TMEFF2: variants seen among roughly 807,000 people sequenced by gnomAD.
TMEFF2 encodes the protein tomoregulin-2.
In TMEFF2, 28 loss-of-function variants were observed where a neutral mutation model predicts 53.8. The ratio of observed to expected loss-of-function variants is 0.52; its 90% CI spans 0.39 to 0.71. TMEFF2 has a LOEUF of 0.71. Ranked by LOEUF, TMEFF2 falls within the 30% of genes least tolerant of loss-of-function variation. The pLI, the probability that TMEFF2 is intolerant of heterozygous loss-of-function variation, is 0.00. For synonymous variants in TMEFF2, 162 were observed against 166.3 expected (o/e 0.97, Z 0.20); for missense variants, 353 against 455.2 (o/e 0.78, Z 2.04).
chr2:192,144,072 T>C (rs1036771317), intron 4 of TMEFF2, among the ~76,000 whole-genome samples: 6 of 152,094 alleles, frequency 3.9e-5, no homozygotes, highest in African/African-American at 1.4e-4. Context: ...TACAAAATCA[T>C]AAGTCTTCAT....
At position 191,952,516 on chromosome 2, in the gene TMEFF2, C is replaced by T. The variant is rs1691916657; in HGVS notation, c.1028+1163G>A. Among the ~76,000 whole-genome samples, 4 of 151,920 alleles carry T rather than the reference C, an allele frequency of 2.6e-5. No individual in the cohort carries two copies. In the South Asian group the frequency reaches 6.2e-4, roughly 24 times the overall value. ...TGCAGTATTTTTGGTTTCTTGTAAT[C>T]CTTATGTTCCCCAGAATCTATTTTA... On this transcript the variant is annotated intron_variant, in intron 9 of 9. Transcript: ENST00000272771.
Position 192,021,214 on chromosome 2 carries a change from T to C in TMEFF2, c.537-22006A>G, listed in dbSNP as rs534829143. ...ACTCAATTTTCTTTGATTTTACCAG[T>C]CACTTTCCTAGGAGAACTGATCACA... On this transcript the variant is annotated intron_variant, in intron 5 of 9. Coordinates refer to ENST00000272771, the MANE Select transcript of TMEFF2 (RefSeq NM_016192.4). Among the ~76,000 whole-genome samples the C allele has an allele frequency of 3.9e-5, 6 of 152,246 alleles. No individual in the cohort carries two copies. In the East Asian group the frequency reaches 1.2e-3, roughly 29 times the overall value.
intron 4 of TMEFF2, among the ~76,000 whole-genome samples, chr2:192,166,165 T>C (rs1452674969): frequency 6.6e-6 from 1 of 152,172 alleles, no homozygotes; most frequent in Admixed American, 6.6e-5. Context: ...TGGCTGTGAA[T>C]TTGAATTTTT....
At chr2:191,974,701 C>T (rs373146249) in intron 7 of TMEFF2, among the ~76,000 whole-genome samples, 1 of 151,852 alleles carries the variant, frequency 6.6e-6, no homozygotes, top group African/African-American at 2.4e-5. Flanking sequence ...AGCTTAATTT[C>T]CAGCCATGTC....
intron 4 of TMEFF2, among the ~76,000 whole-genome samples, chr2:192,164,623 G>A (rs188527836): frequency 6.6e-6 from 1 of 152,084 alleles, no homozygotes; most frequent in African/African-American, 2.4e-5. Context: ...AGCTACTCAG[G>A]AGGCTGAGGC....
intron 7 of TMEFF2, among the ~76,000 whole-genome samples, chr2:191,969,248 G>A (rs1434471708): frequency 1.3e-5 from 2 of 151,890 alleles, no homozygotes; most frequent in Non-Finnish European, 2.9e-5. Context: ...GAATATTATA[G>A]GCATAGGAGA....
At chr2:191,955,638 A>G (rs1043114605) in intron 8 of TMEFF2, among the ~76,000 whole-genome samples, 4 of 146,478 alleles carry the variant, frequency 2.7e-5, no homozygotes, top group Non-Finnish European at 5.9e-5. Context: ...GGTGTGAGCC[A>G]TCATGCCTGG....
chr2:192,123,108 G>T (rs754752967), intron 4 of TMEFF2, among the ~76,000 whole-genome samples: 3 of 152,142 alleles, frequency 2.0e-5, no homozygotes, highest in Non-Finnish European at 4.4e-5. Flanking sequence ...ATATTAAGGA[G>T]AAAATTACTT....
chr2:192,044,135 C>T (rs909258716), intron 5 of TMEFF2: 1 of 152,160 alleles, frequency 6.6e-6, no homozygotes, highest in Non-Finnish European at 1.5e-5. Context: ...TATAGCTTCA[C>T]TGTGCTGCAT....
At chr2:192,019,928 C>T (rs1307344062) in intron 5 of TMEFF2, among the ~76,000 whole-genome samples, 1 of 152,074 alleles carries the variant, frequency 6.6e-6, no homozygotes, top group Non-Finnish European at 1.5e-5. Context: ...TCTTTGCTCA[C>T]ATAGATAAAG....
At chr2:192,184,081 G>A (rs530651127) in intron 3 of TMEFF2, among the ~76,000 whole-genome samples, 27 of 152,148 alleles carry the variant, frequency 1.8e-4, no homozygotes, top group African/African-American at 6.3e-4. Flanking sequence ...CTAATTATAT[G>A]TGGCTTTTAT....
At chr2:192,115,216 T>C (rs954283021) in intron 4 of TMEFF2, among the ~76,000 whole-genome samples, 4 of 151,830 alleles carry the variant, frequency 2.6e-5, no homozygotes, top group African/African-American at 9.7e-5. Flanking sequence ...CAAAACAACA[T>C]GGTAGTGGCA....
chr2:191,976,008 C>A (rs1157139665), intron 7 of TMEFF2, among the ~76,000 whole-genome samples: 4 of 152,142 alleles, frequency 2.6e-5, no homozygotes, highest in Non-Finnish European at 5.9e-5. Context: ...CTAAAGGATT[C>A]TGAACATAAG....
chr2:192,078,690 C>A (rs1191421508), intron 4 of TMEFF2, among the ~76,000 whole-genome samples: 4 of 152,150 alleles, frequency 2.6e-5, no homozygotes, highest in Non-Finnish European at 5.9e-5. Flanking sequence ...AAACTATATT[C>A]TATGTAGTGT....
At chr2:191,981,821 G>T (rs1360380192) in intron 7 of TMEFF2, among the ~76,000 whole-genome samples, 1 of 152,098 alleles carries the variant, frequency 6.6e-6, no homozygotes, top group East Asian at 1.9e-4. Context: ...TTAAAATTCT[G>T]ATCCCAACTA....
chr2:192,194,635 G>A lies in TMEFF2; in HGVS notation c.-111C>T. 1 of 1,296,130 alleles carries A rather than the reference G, an allele frequency of 7.7e-7. No individual in the cohort carries two copies. Among genetic ancestry groups the A allele is most frequent in the East Asian group, 2.5e-5 (1 of 40,812 alleles). The allele number at this position is 1,296,130 out of a possible 1,614,324, so 80.3% of individuals were successfully genotyped here. ...CGCGGACGGCGGCAGCAGAGGCGGC[G>A]GCGGTGGCAGTGGCACCCGGCGGGG... On this transcript the variant is annotated 5_prime_UTR_variant, in exon 1 of 10. Transcript: ENST00000272771. The surrounding 1 kb of genome is among the most constrained non-coding windows in gnomAD (Gnocchi z 4.2).
intron 4 of TMEFF2, among the ~76,000 whole-genome samples, chr2:192,062,683 T>C (rs1688072620): frequency 6.6e-6 from 1 of 152,154 alleles, no homozygotes; most frequent in South Asian, 2.1e-4. Context: ...TTGTTGACAG[T>C]GCTAACCTTG....
In TMEFF2 at chr2:191,993,886, T is replaced by C. The variant is rs77146496; in HGVS notation, c.745+4376A>G. Among the ~76,000 whole-genome samples the C allele has an allele frequency of 0.011, 1,716 of 152,208 alleles. 59 individuals are homozygous for C. The East Asian group carries it at 0.14, about 13-fold the overall frequency. Reference sequence around the variant, plus strand: ...TTTTATGTTTTTCACTGATGCCTTGTAGAAAGATCTATGCTAAATAGTTCC... The same window carrying C: ...TTTTATGTTTTTCACTGATGCCTTGCAGAAAGATCTATGCTAAATAGTTCC... On this transcript the variant is annotated intron_variant, in intron 7 of 9. Coordinates refer to ENST00000272771, the MANE Select transcript of TMEFF2 (RefSeq NM_016192.4).
intron 5 of TMEFF2, among the ~76,000 whole-genome samples, chr2:192,003,928 T>G (rs189076299): frequency 0.019 from 2,258 of 117,858 alleles, 55 homozygotes; most frequent in Non-Finnish European, 0.026. Context: ...TGTGTGTGTG[T>G]GGGGGGGGGG....
Sources: allele counts gnomAD v4.1 joint callset (sites outside exome capture counted in the v4.1 genomes callset), GRCh38; gene constraint gnomAD v4.1.1; non-coding constraint Gnocchi (gnomAD v3.1); transcripts MANE v1.5; gene names NCBI Gene and HGNC (gene_info 2026-07-23, HGNC 2026-07-21).